PPL: variants seen among roughly 807,000 people sequenced by gnomAD.
The protein encoded by PPL is periplakin, also known as 190 kDa paraneoplastic pemphigus antigen.
A neutral mutation model predicts 194.4 loss-of-function variants in PPL; 198 were observed. The ratio of observed to expected loss-of-function variants is 1.02; its 90% CI spans 0.91 to 1.15. The LOEUF (loss-of-function observed/expected upper bound fraction) is 1.15, where lower values mean the gene tolerates loss of function less well. Among genes scored for constraint, PPL ranks in the 50% most tolerant of loss-of-function variants. The probability of loss-of-function intolerance (pLI) is 0.00; values close to 1 mark genes in which losing one functional copy is unlikely to be tolerated. For synonymous variants in PPL, 1,220 were observed against 972.4 expected, an observed-to-expected ratio of 1.25 and a Z score of -4.74; for missense variants, 2,885 against 2,294.8, an observed-to-expected ratio of 1.26 and a Z score of -5.25.
At position 4,884,040 on chromosome 16, in the gene PPL, G is replaced by GGCTCACCTCGACGTCCAGCTC; in HGVS notation, c.4594_4614dup (p.Glu1532_Ser1538dup). ...AGCTCCGAAAGCCTGGCTTCCAGCCGGCTCACCTCGACGTCCAGCTCGCGC... is the reference window on the plus strand; with the variant it reads ...AGCTCCGAAAGCCTGGCTTCCAGCCGGCTCACCTCGACGTCCAGCTCGCTCACCTCGACGTCCAGCTCGCGC... On this transcript the variant is annotated inframe_insertion, in exon 22 of 22. Coordinates refer to ENST00000345988, the MANE Select transcript of PPL (RefSeq NM_002705.5). This position sits in a 1 kb window ranked among gnomAD's most constrained non-coding sequence, Gnocchi z 5.7. The GGCTCACCTCGACGTCCAGCTC allele has an allele frequency of 6.2e-7, 1 of 1,613,564 alleles. No individual in the cohort carries two copies. The highest frequency in any genetic ancestry group is 2.2e-5 in the East Asian group (1 of 44,868).
intron 6 of PPL, among the ~76,000 whole-genome samples, chr16:4,900,585 A>G (rs1373707998): frequency 2.6e-5 from 4 of 151,556 alleles, no homozygotes; most frequent in Non-Finnish European, 5.9e-5. Flanking sequence ...GACCACAGGC[A>G]TGCCACCAAG....
intron 16 of PPL, chr16:4,891,594 CT>C: frequency 1.8e-6 from 1 of 547,318 alleles, no homozygotes. Context: ...GATATTTGAT[CT>C]TAAAATGCTG....
intron 1 of PPL, among the ~76,000 whole-genome samples, chr16:4,921,707 T>C (rs1047871350): frequency 2.0e-5 from 3 of 152,248 alleles, no homozygotes; most frequent in Middle Eastern, 3.4e-3. Flanking sequence ...CCTCAAGTGA[T>C]CTGCCCGCCT....
At chr16:4,906,080 C>T (rs2088675763) in intron 2 of PPL, among the ~76,000 whole-genome samples, 1 of 152,168 alleles carries the variant, frequency 6.6e-6, no homozygotes. Context: ...TGCACTCCAG[C>T]CTTGGCGACA....
chr16:4,936,870 C>T (rs2089306563), intron 1 of PPL, 114 bp downstream of exon 1: 1 of 1,101,944 alleles, frequency 9.1e-7, no homozygotes, highest in Non-Finnish European at 1.2e-6. Context: ...GGTTCAGTTC[C>T]CGGTTCCTGG....
chr16:4,932,847 T>A (rs2089242238), intron 1 of PPL, among the ~76,000 whole-genome samples: 1 of 152,086 alleles, frequency 6.6e-6, no homozygotes, highest in Non-Finnish European at 1.5e-5. Context: ...CCCAGCAGCC[T>A]CACCAACTGG....
At chr16:4,890,516 C>CATA (rs760808262) in intron 17 of PPL, among the ~76,000 whole-genome samples, 182 bp from the exon 18 acceptor site, 5 of 152,094 alleles carry the variant, frequency 3.3e-5, no homozygotes, top group African/African-American at 7.2e-5. Context: ...CAGGTGGGTC[C>CATA]ATATACATTG....
Position 4,885,315 on chromosome 16 carries a change from C to T in PPL, c.3340G>A (p.Val1114Ile), listed in dbSNP as rs375244420. Residue 1114 changes from valine (V) to isoleucine (I), a missense_variant, in exon 22 of 22, where the codon GTC becomes ATC. Physicochemically the swap from Val to Ile is conservative, Grantham distance 29 (BLOSUM62 3). Coordinates refer to ENST00000345988, the MANE Select transcript of PPL (RefSeq NM_002705.5). The surrounding 1 kb of genome is among the most constrained non-coding windows in gnomAD (Gnocchi z 6.3). ...TTCTCCACCTTGAGCACCTCCTTGA[C>T]GGTGATCTTGCCCTCGGCCATGGCC... is the stretch of plus-strand genomic sequence containing the variant. ...ERAMAEGKIT[V>I]KEVLKVEKDA... 87 of 1,612,416 alleles carry T rather than the reference C, an allele frequency of 5.4e-5. No individual in the cohort carries two copies. Among genetic ancestry groups the T allele is most frequent in the East Asian group, 2.2e-4 (10 of 44,836 alleles).
Position 4,903,947 on chromosome 16 carries a change from C to T in PPL, c.256G>A (p.Glu86Lys). The change falls in exon 3 of 22, where the codon GAG (glutamate) becomes AAG (lysine). Residue 86 changes from glutamate to lysine, a missense_variant. By Grantham distance (56) the Glu-to-Lys change is moderately conservative. Transcript: ENST00000345988. ...TGCTTGGCAATGGCCGCATCCGCCT[C>T]TAGCACATAGAGCAGCTTCTCAGAG... ...LDSEKLLYVLEADAAIAKHMK... is the reference protein window; with the variant it reads ...LDSEKLLYVLKADAAIAKHMK... 1.2e-6 allele frequency: 2 copies of T among 1,614,120 alleles called. No individual in the cohort carries two copies. The highest frequency in any genetic ancestry group is 1.7e-6 in the Non-Finnish European group (2 of 1,180,052).
In PPL at chr16:4,900,916, G is replaced by A. The variant is rs375467607; in HGVS notation, c.565-45C>T. On this transcript the variant is annotated intron_variant, in intron 5 of 21. Transcript: ENST00000345988. The stretch of plus-strand genomic sequence containing the variant: ...CATGGGTCAGGGCCAGGAAGCAGGC[G>A]CGGCCCCCTCCATCCCTGGGTCCCC... The A allele has an allele frequency of 3.4e-5, 55 of 1,613,902 alleles. No individual in the cohort carries two copies. In the African/African-American group the frequency reaches 5.3e-4, roughly 16 times the overall value.
chr16:4,911,009 C>T, intron 1 of PPL, 60 bp from the exon 2 acceptor site: 2 of 1,349,272 alleles, frequency 1.5e-6, no homozygotes, highest in African/African-American at 1.4e-5. Context: ...GCTATGTCCC[C>T]ACCAGCACCC....
chr16:4,913,178 C>T (rs2088853926), intron 1 of PPL, among the ~76,000 whole-genome samples: 2 of 152,030 alleles, frequency 1.3e-5, no homozygotes, highest in South Asian at 4.2e-4. Context: ...TCTGTGTCCC[C>T]TCCTGTCACA....
intron 1 of PPL, among the ~76,000 whole-genome samples, chr16:4,920,711 T>A (rs2142407248): frequency 6.6e-6 from 1 of 152,324 alleles, no homozygotes; most frequent in African/African-American, 2.4e-5. Context: ...TCTGCCTGCT[T>A]CGGCCTCCCA....
At chr16:4,887,005 A>G in intron 21 of PPL, 130 bp downstream of exon 21, 2 of 770,750 alleles carry the variant, frequency 2.6e-6, no homozygotes, top group Non-Finnish European at 4.5e-6. Context: ...CAGTCTTTGC[A>G]TTGGCCCTGC....
chr16:4,937,096 G>T lies in PPL; in HGVS notation c.-51C>A. The T allele has an allele frequency of 6.7e-6, 8 of 1,199,228 alleles. No homozygotes were observed. The highest frequency in any genetic ancestry group is 3.8e-5 in the East Asian group (1 of 26,396). 74.3% of individuals were successfully genotyped at this position (1,199,228 alleles called of 1,614,324 possible). On this transcript the variant is annotated 5_prime_UTR_variant, in exon 1 of 22. Transcript: ENST00000345988. ...GCGGCTGGCGGGCCGGGCGCGCACCGAGGGGCGGGCGGGAGCGCAGGTGAG... is the reference window on the plus strand; with the variant it reads ...GCGGCTGGCGGGCCGGGCGCGCACCTAGGGGCGGGCGGGAGCGCAGGTGAG...
chr16:4,884,863 C>T lies in PPL; in HGVS notation c.3792G>A (p.Arg1264=). 1 of 1,614,140 alleles carries T rather than the reference C, an allele frequency of 6.2e-7. No homozygotes were observed. The highest frequency in any genetic ancestry group is 2.2e-5 in the East Asian group (1 of 44,870). ...EIVDKTRLIE[R]CDLEIYQLKK... ...TCAGCTGGTAGATCTCTAAATCACA[C>T]CTTTCGATCAGTCTGGTCTTGTCCA... The change falls in exon 22 of 22, where the codon AGG becomes AGA. Residue 1264 remains arginine, a synonymous_variant. Transcript: ENST00000345988. This position sits in a 1 kb window ranked among gnomAD's most constrained non-coding sequence, Gnocchi z 5.7.
chr16:4,893,708 C>T (rs1008174611), intron 12 of PPL, 70 bp from the exon 13 acceptor site: 32 of 1,339,706 alleles, frequency 2.4e-5, no homozygotes, highest in Admixed American at 8.4e-5. Context: ...GGCGGGACTG[C>T]GGACTCTGGC....
rs2088295861 is a variant in PPL, at chr16:4,890,326, C to G, written c.2171G>C (p.Ser724Thr). The change falls in exon 18 of 22, where the codon AGC becomes ACC. Residue 724 changes from serine to threonine, a missense_variant. Coordinates refer to ENST00000345988, the MANE Select transcript of PPL (RefSeq NM_002705.5). Reference sequence around the variant, plus strand: ...GTAGGCTGCCTTGGCGCTCTGTAGGCTCTGCGCCCTGTCAAGGCAAAGCGT... The same window carrying G: ...GTAGGCTGCCTTGGCGCTCTGTAGGGTCTGCGCCCTGTCAAGGCAAAGCGT... Reference protein sequence around the residue: ...LRQQVERRAQSLQSAKAAYEH... With the variant: ...LRQQVERRAQTLQSAKAAYEH... 1 of 1,612,104 alleles carries G rather than the reference C, an allele frequency of 6.2e-7. No homozygotes were observed. Among genetic ancestry groups the G allele is most frequent in the Non-Finnish European group, 8.5e-7 (1 of 1,179,048 alleles).
chr16:4,925,435 T>C (rs1277447201), intron 1 of PPL, among the ~76,000 whole-genome samples: 2 of 152,194 alleles, frequency 1.3e-5, no homozygotes, highest in East Asian at 3.9e-4. Flanking sequence ...CTCAGTCCTT[T>C]TGTGCATCAC....
Sources: gnomAD v4.1 joint callset for allele counts (sites outside exome capture counted in the v4.1 genomes callset) on GRCh38, gnomAD v4.1.1 for gene constraint, Gnocchi (gnomAD v3.1) non-coding constraint, MANE v1.5 for transcripts, NCBI Gene and HGNC (gene_info 2026-07-23, HGNC 2026-07-21) for gene names.